The following RABEP1 variants were observed in gnomAD, a reference collection of about 807,000 sequenced individuals.
RABEP1 encodes rab GTPase-binding effector protein 1.
Under a neutral mutation model 123.4 loss-of-function variants are expected in RABEP1, and 51 were observed. The ratio of observed to expected loss-of-function variants is 0.41; its 90% CI spans 0.33 to 0.52. RABEP1 has a LOEUF of 0.52. Among genes scored for constraint, RABEP1 ranks in the 20% least tolerant of loss-of-function variants. The pLI, the probability that RABEP1 is intolerant of heterozygous loss-of-function variation, is 0.16. For missense variants in RABEP1, 888 were observed against 996.3 expected (o/e 0.89, Z 1.46); for synonymous variants, 347 against 355.2 (o/e 0.98, Z 0.26).
At chr17:5,319,338 A>C (rs770610255) in intron 2 of RABEP1, among the ~76,000 whole-genome samples, 4,395 of 124,238 alleles carry the variant, frequency 0.035, 112 homozygotes, top group Middle Eastern at 0.077. Flanking sequence ...AAAAAAAAAA[A>C]AAACAAAAAA....
Position 5,383,649 on chromosome 17 carries a change from T to A in RABEP1, c.*426T>A, listed in dbSNP as rs180904622. The stretch of plus-strand genomic sequence containing the variant: ...GTCTAGAGCTCATCAGTAACAGTAT[T>A]CAGTTAGCAGACAGAAGTGTAGTAT... On this transcript the variant is annotated 3_prime_UTR_variant, in exon 18 of 18. Transcript: ENST00000537505. The A allele has an allele frequency of 5.7e-4, 138 of 242,522 alleles. No homozygotes were observed. Among genetic ancestry groups the A allele is most frequent in the Admixed American group, 1.5e-3 (29 of 19,518 alleles). 15.0% of individuals were successfully genotyped at this position (242,522 alleles called of 1,614,324 possible).
chr17:5,293,463 C>T (rs966699290), intron 1 of RABEP1, among the ~76,000 whole-genome samples: 3 of 152,078 alleles, frequency 2.0e-5, no homozygotes, highest in Non-Finnish European at 4.4e-5. Flanking sequence ...CAGGGTCTCT[C>T]TCCATCACCC....
At chr17:5,317,007 C>T (rs181027707) in intron 2 of RABEP1, among the ~76,000 whole-genome samples, 18 of 152,022 alleles carry the variant, frequency 1.2e-4, no homozygotes, top group African/African-American at 3.9e-4. Flanking sequence ...CAGGTTCAGT[C>T]GATTCTCCTG....
chr17:5,319,350 CAAAAA>C (rs112853888), intron 2 of RABEP1, among the ~76,000 whole-genome samples: 19,282 of 137,830 alleles, frequency 0.14, 1,378 homozygotes, highest in East Asian at 0.17. Context: ...AACAAAAAAA[CAAAAA>C]AAAAAAACAT....
intron 8 of RABEP1, among the ~76,000 whole-genome samples, chr17:5,356,753 C>G (rs1470220134): frequency 6.6e-6 from 1 of 151,142 alleles, no homozygotes; most frequent in Non-Finnish European, 1.5e-5. Flanking sequence ...CGGGCTCAAG[C>G]GGTCCTTCTG....
chr17:5,364,101 A>G lies in RABEP1; in HGVS notation c.1669-1021A>G, dbSNP rs548175884. On this transcript the variant is annotated intron_variant, in intron 10 of 17. Coordinates refer to ENST00000537505, the MANE Select transcript of RABEP1 (RefSeq NM_004703.6). The stretch of plus-strand genomic sequence containing the variant: ...CCTTCATACACTGTGTGCTTTACGC[A>G]TAGATGTTTCAAAGGTAAATTTCTA... Among the ~76,000 whole-genome samples, 11 of 152,362 alleles carry G rather than the reference A, an allele frequency of 7.2e-5. No homozygotes were observed. The South Asian group carries it at 2.1e-3, about 29-fold the overall frequency.
At chr17:5,365,400 T>C (rs1340854457) in intron 11 of RABEP1, among the ~76,000 whole-genome samples, 162 bp downstream of exon 11, 1 of 152,164 alleles carries the variant, frequency 6.6e-6, no homozygotes, top group Non-Finnish European at 1.5e-5. Flanking sequence ...GATCTCTGTT[T>C]TACAGATTTT....
rs756158350 is a variant in RABEP1, at chr17:5,385,115, T to C, written c.*1892T>C. 3.7e-4 allele frequency: 85 copies of C among 229,476 alleles called. No homozygotes were observed. The highest frequency in any genetic ancestry group is 6.0e-4 in the Non-Finnish European group (70 of 115,810). The allele number at this position is 229,476 out of a possible 1,614,324, so 14.2% of individuals were successfully genotyped here. A position where few individuals can be genotyped will look rare whatever the true frequency, so the allele number is the denominator to read the frequency against. On this transcript the variant is annotated 3_prime_UTR_variant, in exon 18 of 18. Transcript: ENST00000537505. Reference sequence around the variant, plus strand: ...AGGGAATGGTTAGTGGTCTCTACTGTGGCAAATGCCAACTGTTGGAATTCA... The same window carrying C: ...AGGGAATGGTTAGTGGTCTCTACTGCGGCAAATGCCAACTGTTGGAATTCA...
At chr17:5,335,111 TA>T (rs1278346889) in intron 3 of RABEP1, 72 bp from the exon 4 acceptor site, 7 of 1,340,566 alleles carry the variant, frequency 5.2e-6, no homozygotes, top group Non-Finnish European at 6.1e-6. Context: ...TATATAACTT[TA>T]AAAAATTTAG....
intron 1 of RABEP1, among the ~76,000 whole-genome samples, 189 bp downstream of exon 1, chr17:5,282,709 G>T (rs1333056518): frequency 1.3e-5 from 2 of 148,346 alleles, no homozygotes; most frequent in African/African-American, 4.9e-5. Context: ...TGCCGTCGCT[G>T]GGGAGGGGGC....
intron 2 of RABEP1, 45 bp from the exon 3 acceptor site, chr17:5,331,904 G>T: frequency 6.4e-7 from 1 of 1,553,038 alleles, no homozygotes; most frequent in South Asian, 1.1e-5. Flanking sequence ...ATGCCAGTCT[G>T]ATCAAAGTGA....
chr17:5,307,713 G>A (rs1402519797), intron 1 of RABEP1, among the ~76,000 whole-genome samples: 2 of 152,272 alleles, frequency 1.3e-5, no homozygotes, highest in East Asian at 1.9e-4. Context: ...TTTGGTCAGG[G>A]AAGGCAATCA....
chr17:5,293,592 A>G (rs1461953242), intron 1 of RABEP1, among the ~76,000 whole-genome samples: 1 of 152,102 alleles, frequency 6.6e-6, no homozygotes, highest in African/African-American at 2.4e-5. Context: ...TTTTTTGTAC[A>G]GACAGAATCT....
Position 5,361,499 on chromosome 17 carries a change from C to G in RABEP1, c.1387C>G (p.Pro463Ala). Residue 463 changes from proline (P) to alanine (A), a missense_variant, in exon 9 of 18, where the codon CCA becomes GCA. Coordinates refer to ENST00000537505, the MANE Select transcript of RABEP1 (RefSeq NM_004703.6). ...TGCATCCCTTGGGTCACTCCAGATG[C>G]CAAGTGGGTTTATGTTAACCAAAGA... ...DTASLGSLQM[P>A]SGFMLTKDQE... 6.2e-7 allele frequency: 1 copy of G among 1,614,138 alleles called. No homozygotes were observed. The highest frequency in any genetic ancestry group is 1.1e-5 in the South Asian group (1 of 91,076).
chr17:5,325,016 C>A (rs1254847161), intron 2 of RABEP1, among the ~76,000 whole-genome samples: 1 of 151,962 alleles, frequency 6.6e-6, no homozygotes, highest in Non-Finnish European at 1.5e-5. Flanking sequence ...GGTATATATC[C>A]AAAAGAAATG....
At chr17:5,374,634 T>G (rs1407165252) in intron 13 of RABEP1, among the ~76,000 whole-genome samples, 1 of 151,462 alleles carries the variant, frequency 6.6e-6, no homozygotes, top group East Asian at 1.9e-4. Flanking sequence ...TTTTTTATTA[T>G]TTTTTATTTT....
chr17:5,283,527 A>T (rs1047232985), intron 1 of RABEP1, among the ~76,000 whole-genome samples: 1 of 152,086 alleles, frequency 6.6e-6, no homozygotes, highest in Non-Finnish European at 1.5e-5. Context: ...GTCCCACTGT[A>T]TCTAGTTGTG....
intron 2 of RABEP1, among the ~76,000 whole-genome samples, chr17:5,309,549 A>T (rs1567873447): frequency 6.6e-6 from 1 of 151,410 alleles, no homozygotes; most frequent in Non-Finnish European, 1.5e-5. Flanking sequence ...GCTGCTCGGG[A>T]GGCTGAGGCA....
At chr17:5,378,506 C>A (rs149851455) in intron 15 of RABEP1, 1 of 514,038 alleles carries the variant, frequency 1.9e-6, no homozygotes, top group Non-Finnish European at 3.5e-6. Flanking sequence ...AAGGCATGGT[C>A]ATAACATGTT....
Sources: gnomAD v4.1 joint callset for allele counts (sites outside exome capture counted in the v4.1 genomes callset) on GRCh38, gnomAD v4.1.1 for gene constraint, MANE v1.5 for transcripts, NCBI Gene and HGNC (gene_info 2026-07-23, HGNC 2026-07-21) for gene names.